Variants in ABTB2 observed in about 807,000 individuals in gnomAD.
The protein encoded by ABTB2 is ankyrin repeat and BTB domain containing 2.
Under a neutral mutation model 104.1 loss-of-function variants are expected in ABTB2, and 56 were observed. The ratio of observed to expected loss-of-function variants is 0.54; its 90% CI spans 0.43 to 0.67. ABTB2 has a LOEUF of 0.67. ABTB2 is among the 30% of genes least tolerant of loss of function. The probability of loss-of-function intolerance (pLI) is 0.00; values close to 1 mark genes in which losing one functional copy is unlikely to be tolerated. For missense variants in ABTB2, 1,279 were observed against 1,407.7 expected (o/e 0.91, Z 1.46); for synonymous variants, 606 against 608.2 (o/e 1.00, Z 0.05).
intron 1 of ABTB2, chr11:34,335,094 C>A: frequency 9.7e-7 from 1 of 1,035,068 alleles, no homozygotes; most frequent in African/African-American, 1.6e-5. Context: ...AATAATACAG[C>A]AAATGAATGG....
chr11:34,327,031 C>T (rs1428724001), intron 1 of ABTB2, among the ~76,000 whole-genome samples: 1 of 152,108 alleles, frequency 6.6e-6, no homozygotes, highest in South Asian at 2.1e-4. Context: ...GCCAAGATTG[C>T]GCCACTACAC....
intron 1 of ABTB2, among the ~76,000 whole-genome samples, chr11:34,318,895 T>C (rs1854970144): frequency 6.6e-6 from 1 of 152,298 alleles, no homozygotes; most frequent in Middle Eastern, 3.4e-3. Flanking sequence ...GATGGAGAAA[T>C]ACCAAGAAGT....
intron 1 of ABTB2, among the ~76,000 whole-genome samples, chr11:34,287,712 G>C (rs981379082): frequency 1.3e-5 from 2 of 152,186 alleles, no homozygotes; most frequent in African/African-American, 4.8e-5. Flanking sequence ...GCTTCCCCAG[G>C]TATTACTTGA....
intron 1 of ABTB2, among the ~76,000 whole-genome samples, chr11:34,212,194 G>T (rs1215204458): frequency 1.3e-5 from 2 of 152,000 alleles, no homozygotes; most frequent in Non-Finnish European, 2.9e-5. Flanking sequence ...GTAGCTGGGA[G>T]TACAGGCACC....
chr11:34,253,957 A>T (rs1565152060), intron 1 of ABTB2, among the ~76,000 whole-genome samples: 1 of 152,182 alleles, frequency 6.6e-6, no homozygotes, highest in Non-Finnish European at 1.5e-5. Context: ...GTCTCTCCCC[A>T]GGTGGACCGT....
intron 1 of ABTB2, among the ~76,000 whole-genome samples, chr11:34,286,884 T>C (rs1854512744): frequency 1.3e-5 from 2 of 152,180 alleles, no homozygotes; most frequent in Admixed American, 6.5e-5. Context: ...TTATATGATA[T>C]TCACACAAGA....
chr11:34,309,791 CA>C (rs35553114), intron 1 of ABTB2, among the ~76,000 whole-genome samples: 106 of 140,030 alleles, frequency 7.6e-4, no homozygotes, highest in African/African-American at 5.7e-4. Flanking sequence ...TGATCAGAGT[CA>C]AAAAAAAAAA....
intron 1 of ABTB2, among the ~76,000 whole-genome samples, chr11:34,328,982 T>C (rs1855100542): frequency 6.6e-6 from 1 of 152,196 alleles, no homozygotes; most frequent in Admixed American, 6.5e-5. Flanking sequence ...TAGCACTGGG[T>C]CAGAGATAGA....
At chr11:34,186,589 G>C (rs978400189) in intron 3 of ABTB2, among the ~76,000 whole-genome samples, 1 of 152,178 alleles carries the variant, frequency 6.6e-6, no homozygotes, top group African/African-American at 2.4e-5. Flanking sequence ...GAAGCTCCTC[G>C]GGCCCGGCAG....
chr11:34,186,161 T>C (rs891301980), intron 3 of ABTB2, among the ~76,000 whole-genome samples: 2 of 152,170 alleles, frequency 1.3e-5, no homozygotes, highest in African/African-American at 4.8e-5. Flanking sequence ...GGCCCTGAAC[T>C]CGGCCGGGAA....
chr11:34,317,309 C>A (rs1380292660), intron 1 of ABTB2, among the ~76,000 whole-genome samples: 1 of 152,144 alleles, frequency 6.6e-6, no homozygotes, highest in Non-Finnish European at 1.5e-5. Context: ...ACAGTGTTTA[C>A]AGGCTTTCTA....
intron 1 of ABTB2, among the ~76,000 whole-genome samples, chr11:34,248,603 A>C (rs992484094): frequency 6.6e-6 from 1 of 152,244 alleles, no homozygotes; most frequent in African/African-American, 2.4e-5. Context: ...CTTCAGAGGA[A>C]AACCAAAGGT....
chr11:34,327,895 T>G (rs1350874034), intron 1 of ABTB2, among the ~76,000 whole-genome samples: 1 of 152,314 alleles, frequency 6.6e-6, no homozygotes, highest in East Asian at 1.9e-4. Flanking sequence ...ATGGTTAGAA[T>G]GCACTTTGTC....
At chr11:34,260,100 C>T (rs917016962) in intron 1 of ABTB2, among the ~76,000 whole-genome samples, 10 of 152,162 alleles carry the variant, frequency 6.6e-5, no homozygotes, top group Non-Finnish European at 1.5e-4. Context: ...TGAGCCATTA[C>T]GCCTGGCCTA....
At chr11:34,351,027 T>C (rs1272290983) in intron 1 of ABTB2, among the ~76,000 whole-genome samples, 1 of 152,136 alleles carries the variant, frequency 6.6e-6, no homozygotes, top group Non-Finnish European at 1.5e-5. Context: ...TACAGCTGCA[T>C]AAGAGTAGAA....
intron 3 of ABTB2, among the ~76,000 whole-genome samples, chr11:34,190,271 C>CG (rs1554981964): frequency 1.0e-5 from 1 of 98,754 alleles, no homozygotes; most frequent in South Asian, 3.7e-4. Context: ...CGCTGCCCCC[C>CG]CAAAAAAAAA....
At chr11:34,182,328 C>A (rs1853037498) in intron 3 of ABTB2, among the ~76,000 whole-genome samples, 1 of 152,130 alleles carries the variant, frequency 6.6e-6, no homozygotes, top group Non-Finnish European at 1.5e-5. Flanking sequence ...CTGGGTAAAC[C>A]AGAATGGTTT....
At chr11:34,204,491 C>G in intron 2 of ABTB2, 53 bp downstream of exon 2, 1 of 1,514,244 alleles carries the variant, frequency 6.6e-7, no homozygotes, top group Non-Finnish European at 8.8e-7. Flanking sequence ...TCCCCCAGCC[C>G]TGAGACCTCG....
At chr11:34,169,927 G>A (rs771501661) in intron 5 of ABTB2, among the ~76,000 whole-genome samples, 17 of 152,160 alleles carry the variant, frequency 1.1e-4, no homozygotes, top group Non-Finnish European at 2.1e-4. Context: ...TGGCCTCACG[G>A]TCTGCCTGGA....
Sources: gnomAD v4.1 joint callset for allele counts (sites outside exome capture counted in the v4.1 genomes callset) on GRCh38, gnomAD v4.1.1 for gene constraint, MANE v1.5 for transcripts, NCBI Gene and HGNC (gene_info 2026-07-23, HGNC 2026-07-21) for gene names.